The following PM20D1 variants were observed in gnomAD, a reference collection of about 807,000 sequenced individuals.
The protein encoded by PM20D1 is peptidase M20 domain containing 1.
Under a neutral mutation model 53.8 loss-of-function variants are expected in PM20D1, and 53 were observed. The observed-to-expected ratio is 0.98, with a 90% CI of 0.79 to 1.24. The LOEUF (loss-of-function observed/expected upper bound fraction) is 1.24. PM20D1 is among the 50% of genes most tolerant of loss of function. The pLI is 0.00. For missense variants in PM20D1, 564 were observed against 616.8 expected, an observed-to-expected ratio of 0.91 and a Z score of 0.91; for synonymous variants, 239 against 241.3, an observed-to-expected ratio of 0.99 and a Z score of 0.09.
intron 9 of PM20D1, among the ~76,000 whole-genome samples, chr1:205,840,540 C>T (rs1412730500): frequency 2.6e-5 from 4 of 152,228 alleles, no homozygotes; most frequent in Admixed American, 2.6e-4. Context: ...GCCAGACCTT[C>T]CTGCTTCTTG....
rs1656494279 is a variant in PM20D1, at chr1:205,828,699, G to A, written c.1430C>T (p.Thr477Ile). The A allele has an allele frequency of 1.2e-6, 2 of 1,614,134 alleles. No individual in the cohort carries two copies. The highest frequency in any genetic ancestry group is 1.7e-5 in the Admixed American group (1 of 60,028). Residue 477 changes from threonine (T) to isoleucine (I), a missense_variant, in exon 13 of 13, where the codon ACC becomes ATC. Coordinates refer to ENST00000367136, the MANE Select transcript of PM20D1 (RefSeq NM_152491.5). ...NEKISVQAYETQVKFIFELIQ... is the reference protein window; with the variant it reads ...NEKISVQAYEIQVKFIFELIQ... The stretch of plus-strand genomic sequence containing the variant: ...CAACTCAAAGATGAATTTCACTTGG[G>A]TCTCATAGGCTTGGACTGAGATTTT...
intron 6 of PM20D1, 115 bp from the exon 7 acceptor site, chr1:205,842,866 C>T: frequency 1.3e-6 from 1 of 799,480 alleles, no homozygotes. Flanking sequence ...CAAGAGGTCT[C>T]TCATTCACCT....
In PM20D1 at chr1:205,845,508, T is replaced by C; in HGVS notation, c.306A>G (p.Glu102=). ...GGATAGTGAACAGGTGGCTATACTC[T>C]TCCACGACTTCATGCTGGATAAAGC... is the stretch of plus-strand genomic sequence containing the variant. ...STSFIQHEVV[E]EYSHLFTIQG... The change falls in exon 3 of 13, where the codon GAA becomes GAG. Residue 102 remains glutamate, a synonymous_variant. Transcript: ENST00000367136. 1 of 1,614,158 alleles carries C rather than the reference T, an allele frequency of 6.2e-7. No individual in the cohort carries two copies. The highest frequency in any genetic ancestry group is 1.1e-5 in the South Asian group (1 of 91,084).
chr1:205,849,145 C>G (rs1029269458), intron 1 of PM20D1, among the ~76,000 whole-genome samples: 11 of 152,206 alleles, frequency 7.2e-5, no homozygotes, highest in African/African-American at 2.7e-4. Context: ...GGCAGTCTCT[C>G]TTAATCCATT....
Position 205,844,819 on chromosome 1 carries a change from C to A in PM20D1, c.568G>T (p.Asp190Tyr). 2 of 1,613,850 alleles carry A rather than the reference C, an allele frequency of 1.2e-6. No individual in the cohort carries two copies. The highest frequency in any genetic ancestry group is 1.3e-5 in the African/African-American group (1 of 75,044). Reference protein sequence around the residue: ...RRSFFISLGHDEESSGTGAQR... With the variant: ...RRSFFISLGHYEESSGTGAQR... ...AGGTGAGGAGGCTCTACCTCCTCAT[C>A]ATGGCCCAGAGAAATGAAGAAAGAT... The change falls in exon 4 of 13, where the codon GAT becomes TAT. Residue 190 changes from aspartate to tyrosine, a missense_variant. Transcript: ENST00000367136.
intron 11 of PM20D1, 141 bp from the exon 12 acceptor site, chr1:205,830,520 T>C: frequency 3.4e-6 from 2 of 590,104 alleles, no homozygotes; most frequent in South Asian, 4.4e-5. Context: ...AGCGTATAGC[T>C]ATCCTTACAA....
chr1:205,831,130 G>A (rs1266043799), intron 11 of PM20D1, among the ~76,000 whole-genome samples: 1 of 152,190 alleles, frequency 6.6e-6, no homozygotes, highest in Non-Finnish European at 1.5e-5. Flanking sequence ...TCCTGAAGGT[G>A]GTAGCAGGTC....
chr1:205,847,859 C>T (rs1558095758), intron 2 of PM20D1, 26 bp downstream of exon 2: 3 of 1,359,118 alleles, frequency 2.2e-6, no homozygotes, highest in Non-Finnish European at 2.1e-6. Context: ...CTACCACCCA[C>T]CCCTTGCCCC....
At chr1:205,839,192 G>A (rs1395127635) in intron 10 of PM20D1, among the ~76,000 whole-genome samples, 1 of 152,034 alleles carries the variant, frequency 6.6e-6, no homozygotes, top group Middle Eastern at 3.2e-3. Flanking sequence ...CCTATTACTT[G>A]TCCCCAGTTT....
At chr1:205,842,282 T>C in intron 7 of PM20D1, 67 bp from the exon 8 acceptor site, 1 of 1,431,618 alleles carries the variant, frequency 7.0e-7, no homozygotes, top group Non-Finnish European at 9.8e-7. Flanking sequence ...GAGACCTGAG[T>C]CTCTCTCTAC....
At chr1:205,831,613 G>T (rs1656563750) in intron 11 of PM20D1, among the ~76,000 whole-genome samples, 1 of 149,284 alleles carries the variant, frequency 6.7e-6, no homozygotes, top group African/African-American at 2.5e-5. Context: ...ACCCAGGCTG[G>T]ACTGCAGTGG....
intron 1 of PM20D1, among the ~76,000 whole-genome samples, 158 bp downstream of exon 1, chr1:205,849,746 G>C (rs903174802): frequency 6.6e-6 from 1 of 152,062 alleles, no homozygotes; most frequent in African/African-American, 2.4e-5. Flanking sequence ...ACAGGGGCAC[G>C]ATGTGCTGGG....
intron 2 of PM20D1, among the ~76,000 whole-genome samples, chr1:205,846,235 A>G (rs1656955327): frequency 6.6e-6 from 1 of 152,106 alleles, no homozygotes; most frequent in African/African-American, 2.4e-5. Flanking sequence ...AAAATACAAA[A>G]AACAGCTGGG....
At chr1:205,838,761 C>T (rs1656740183) in intron 10 of PM20D1, among the ~76,000 whole-genome samples, 1 of 152,200 alleles carries the variant, frequency 6.6e-6, no homozygotes, top group Admixed American at 6.5e-5. Context: ...GTTTTAATTT[C>T]TGAATTCCCA....
intron 10 of PM20D1, among the ~76,000 whole-genome samples, chr1:205,837,890 GA>G (rs2102526226): frequency 6.6e-6 from 1 of 152,100 alleles, no homozygotes; most frequent in African/African-American, 2.4e-5. Flanking sequence ...TCAATGAGGG[GA>G]ATTCAGTGAT....
At chr1:205,832,564 T>A (rs1656583008) in intron 11 of PM20D1, 34 bp downstream of exon 11, 1 of 1,610,694 alleles carries the variant, frequency 6.2e-7, no homozygotes, top group Non-Finnish European at 8.5e-7. Context: ...TCCAGCCCCC[T>A]CCTCCCTCCA....
In PM20D1 at chr1:205,842,142, A is replaced by G; in HGVS notation, c.965+12T>C. The G allele has an allele frequency of 6.2e-7, 1 of 1,605,466 alleles. No homozygotes were observed. Among genetic ancestry groups the G allele is most frequent in the Non-Finnish European group, 8.5e-7 (1 of 1,172,132 alleles). On this transcript the variant is annotated intron_variant, in intron 8 of 12. Coordinates refer to ENST00000367136, the MANE Select transcript of PM20D1 (RefSeq NM_152491.5). The stretch of plus-strand genomic sequence containing the variant: ...GGTGAGGGATGTGAAAAAAGGAAAG[A>G]TAATACTTTACCTGCTTATAAGTGG...
intron 4 of PM20D1, 87 bp downstream of exon 4, chr1:205,844,724 G>T: frequency 8.1e-7 from 1 of 1,232,768 alleles, no homozygotes. Context: ...AGACCTTGCT[G>T]CTGTGGGCAA....
chr1:205,846,214 C>T (rs747156648), intron 2 of PM20D1, among the ~76,000 whole-genome samples: 8 of 151,964 alleles, frequency 5.3e-5, no homozygotes, highest in East Asian at 1.9e-4. Flanking sequence ...GGTGAAACCC[C>T]GTCTCTACTA....
Sources: allele counts gnomAD v4.1 joint callset (sites outside exome capture counted in the v4.1 genomes callset), GRCh38; gene constraint gnomAD v4.1.1; transcripts MANE v1.5; gene names NCBI Gene and HGNC (gene_info 2026-07-23, HGNC 2026-07-21).